Variants in ITGA11 observed in about 807,000 individuals in gnomAD.
ITGA11 encodes integrin alpha-11.
In ITGA11, 97 loss-of-function variants were observed where a neutral mutation model predicts 141.9. The ratio of observed to expected loss-of-function variants is 0.68; its 90% confidence interval spans 0.58 to 0.81. ITGA11 has a LOEUF of 0.81. Ranked by LOEUF, ITGA11 falls within the 30% of genes least tolerant of loss-of-function variation. The probability of loss-of-function intolerance (pLI) is 0.00; values close to 1 mark genes in which losing one functional copy is unlikely to be tolerated. For missense variants in ITGA11, 1,387 were observed against 1,559.2 expected (o/e 0.89, Z 1.86); for synonymous variants, 658 against 624.6 (o/e 1.05, Z -0.80).
At chr15:68,431,674 G>A (rs1897273637) in intron 1 of ITGA11, among the ~76,000 whole-genome samples, 1 of 152,252 alleles carries the variant, frequency 6.6e-6, no homozygotes, top group Non-Finnish European at 1.5e-5. Flanking sequence ...ACACCCGAGT[G>A]CCCCTGGCAG....
At chr15:68,407,588 T>C (rs981839742) in intron 1 of ITGA11, among the ~76,000 whole-genome samples, 7 of 152,186 alleles carry the variant, frequency 4.6e-5, no homozygotes, top group African/African-American at 1.7e-4. Context: ...TGCAGAGATG[T>C]TGGGAGCCTG....
rs545379002 is a variant in ITGA11, at chr15:68,310,913, C to T, written c.3174+81G>A. The stretch of plus-strand genomic sequence containing the variant: ...AGCTCTTATTGGCAAGCTATTGGGT[C>T]GGGAGGGAAATGGCCCGCAGAGCAC... On this transcript the variant is annotated intron_variant, in intron 26 of 29. Coordinates refer to ENST00000315757, the MANE Select transcript of ITGA11 (RefSeq NM_001004439.2). The T allele has an allele frequency of 2.4e-3, 2,560 of 1,051,208 alleles. 9 individuals carry two copies. The highest frequency in any genetic ancestry group is 2.6e-3 in the Non-Finnish European group (1,780 of 697,460). The allele number at this position is 1,051,208 out of a possible 1,614,324, so 65.1% of individuals were successfully genotyped here. A position where few individuals can be genotyped will look rare whatever the true frequency, so the allele number is the denominator to read the frequency against.
At chr15:68,358,258 C>T (rs1468820051) in intron 6 of ITGA11, among the ~76,000 whole-genome samples, 200 bp downstream of exon 6, 4 of 152,160 alleles carry the variant, frequency 2.6e-5, no homozygotes, top group Non-Finnish European at 5.9e-5. Context: ...TGAGGCTTCC[C>T]CCAAAATGTC....
At chr15:68,383,428 A>T (rs1895910356) in intron 2 of ITGA11, among the ~76,000 whole-genome samples, 1 of 152,250 alleles carries the variant, frequency 6.6e-6, no homozygotes, top group Non-Finnish European at 1.5e-5. Context: ...AAAGGCATTT[A>T]TGGCACCTTC....
Position 68,341,955 on chromosome 15 carries a change from G to T in ITGA11, c.1132-2311C>A, listed in dbSNP as rs888777887. On this transcript the variant is annotated intron_variant, in intron 10 of 29. Transcript: ENST00000315757. The stretch of plus-strand genomic sequence containing the variant: ...ACCTCATCCCATTTTAACCCTGACA[G>T]CAGCTGCAGTCTTGGGCCTGCAGTG... Among the ~76,000 whole-genome samples the T allele has an allele frequency of 2.6e-5, 4 of 152,210 alleles. No homozygotes were observed. The East Asian group carries it at 5.8e-4, about 22-fold the overall frequency.
In ITGA11 at chr15:68,297,869, A is replaced by T. The variant is rs1892943191; in HGVS notation, c.*5190T>A. The T allele has an allele frequency of 6.6e-6, 1 of 152,146 alleles. No homozygotes were observed. The highest frequency in any genetic ancestry group is 2.1e-4 in the South Asian group (1 of 4,818). 9.4% of individuals were successfully genotyped at this position (152,146 alleles called of 1,614,324 possible). ...ATTTAGTGCCACCCTCTCATTTTATAGTTCAGGACACAAGCCCAGAAAGGC... is the reference window on the plus strand; with the variant it reads ...ATTTAGTGCCACCCTCTCATTTTATTGTTCAGGACACAAGCCCAGAAAGGC... On this transcript the variant is annotated 3_prime_UTR_variant, in exon 30 of 30. Transcript: ENST00000315757.
In ITGA11 at chr15:68,297,639, A is replaced by C. The variant is rs952044079; in HGVS notation, c.*5420T>G. The C allele has an allele frequency of 3.9e-5, 6 of 151,942 alleles. No homozygotes were observed. Among genetic ancestry groups the C allele is most frequent in the African/African-American group, 1.5e-4 (6 of 41,370 alleles). The allele number at this position is 151,942 out of a possible 1,614,324, so 9.4% of individuals were successfully genotyped here. A position where few individuals can be genotyped will look rare whatever the true frequency, so the allele number is the denominator to read the frequency against. ...CTGTAATGGTTTTTTTTGTTTTTAA[A>C]GAAATAAATTTTCAGTTACTTCTTT... is the stretch of plus-strand genomic sequence containing the variant. On this transcript the variant is annotated 3_prime_UTR_variant, in exon 30 of 30. Transcript: ENST00000315757.
At chr15:68,320,554 G>C (rs1329186587) in intron 19 of ITGA11, among the ~76,000 whole-genome samples, 162 bp from the exon 20 acceptor site, 4 of 152,162 alleles carry the variant, frequency 2.6e-5, no homozygotes, top group Admixed American at 6.5e-5. Context: ...GGCAGGGCTG[G>C]AAAGAGCTCA....
At chr15:68,428,301 T>G (rs571613321) in intron 1 of ITGA11, among the ~76,000 whole-genome samples, 171 of 152,100 alleles carry the variant, frequency 1.1e-3, no homozygotes, top group Non-Finnish European at 1.7e-3. Flanking sequence ...TCCCTGCTGT[T>G]AGAAGAAGGA....
chr15:68,315,700 T>C lies in ITGA11; in HGVS notation c.2743A>G (p.Ser915Gly). The C allele has an allele frequency of 6.2e-7, 1 of 1,613,118 alleles. No individual in the cohort carries two copies. The highest frequency in any genetic ancestry group is 8.5e-7 in the Non-Finnish European group (1 of 1,179,512). ...KVAFRLDFEF[S>G]KSIFLHHLEI... ...AGGTGGTGTAGGAAGATGGATTTGC[T>C]GAACTCAAAATCAAGACGGAAAGCC... Residue 915 changes from serine (S) to glycine (G), a missense_variant, in exon 22 of 30, where the codon AGC becomes GGC. By Grantham distance (56) the Ser-to-Gly change is moderately conservative. Transcript: ENST00000315757.
intron 2 of ITGA11, among the ~76,000 whole-genome samples, chr15:68,396,953 T>TAATA (rs1896268364): frequency 1.6e-4 from 1 of 6,076 alleles, no homozygotes; most frequent in Non-Finnish European, 2.5e-4. Flanking sequence ...TATATATTAT[T>TAATA]TATTATATAA....
chr15:68,350,726 G>T lies in ITGA11; in HGVS notation c.951C>A (p.Ile317=). 1 of 1,613,914 alleles carries T rather than the reference G, an allele frequency of 6.2e-7. No homozygotes were observed. Among genetic ancestry groups the T allele is most frequent in the African/African-American group, 1.3e-5 (1 of 75,028 alleles). The stretch of plus-strand genomic sequence containing the variant: ...CATCAGGGTCACTGGCGATGTATTT[G>T]ATTTCATTTAGAAAAGTTTCTGGAT... ...GINPETFLNE[I]KYIASDPDDK... The change falls in exon 9 of 30, where the codon ATC becomes ATA. Residue 317 remains isoleucine (I), a synonymous_variant. Transcript: ENST00000315757.
chr15:68,368,537 C>T (rs1895496025), intron 3 of ITGA11, among the ~76,000 whole-genome samples: 1 of 152,228 alleles, frequency 6.6e-6, no homozygotes. Flanking sequence ...CAGCATCTCC[C>T]TGTTCCAGAA....
chr15:68,377,395 C>T (rs577038324), intron 2 of ITGA11, among the ~76,000 whole-genome samples: 1 of 152,176 alleles, frequency 6.6e-6, no homozygotes, highest in African/African-American at 2.4e-5. Context: ...GCCTCAGCCT[C>T]CCGAGTAGCT....
rs868499784 is a variant in ITGA11, at chr15:68,326,525, A to G, written c.2211+129T>C. Reference sequence around the variant, plus strand: ...TGTGGAGTGGCCAAGGTCAGGGTACACTGTCCCTGGCTGGCTTCCTGAGGT... The same window carrying G: ...TGTGGAGTGGCCAAGGTCAGGGTACGCTGTCCCTGGCTGGCTTCCTGAGGT... On this transcript the variant is annotated intron_variant, in intron 17 of 29. Coordinates refer to ENST00000315757, the MANE Select transcript of ITGA11 (RefSeq NM_001004439.2). The surrounding 1 kb of genome is among the most constrained non-coding windows in gnomAD (Gnocchi z 6.8). 223 of 996,454 alleles carry G rather than the reference A, an allele frequency of 2.2e-4. No individual in the cohort carries two copies. The African/African-American group carries it at 3.1e-3, about 14-fold the overall frequency. 61.7% of individuals were successfully genotyped at this position (996,454 alleles called of 1,614,324 possible).
intron 1 of ITGA11, among the ~76,000 whole-genome samples, chr15:68,425,629 C>T (rs1897124894): frequency 6.6e-6 from 1 of 152,244 alleles, no homozygotes; most frequent in African/African-American, 2.4e-5. Flanking sequence ...GAACTCTGGC[C>T]TCACCTGGCC....
At chr15:68,395,071 C>G (rs1446483016) in intron 2 of ITGA11, among the ~76,000 whole-genome samples, 1 of 152,134 alleles carries the variant, frequency 6.6e-6, no homozygotes, top group African/African-American at 2.4e-5. Flanking sequence ...TCCAACAGAC[C>G]TGCAGCTGAG....
chr15:68,331,222 C>G, intron 14 of ITGA11, 111 bp from the exon 15 acceptor site: 1 of 994,606 alleles, frequency 1.0e-6, no homozygotes, highest in Non-Finnish European at 1.5e-6. Flanking sequence ...GTGAAACCAC[C>G]AAGAAGCTTC....
intron 1 of ITGA11, 138 bp from the exon 2 acceptor site, chr15:68,403,167 T>C: frequency 3.1e-6 from 2 of 645,330 alleles, no homozygotes; most frequent in Non-Finnish European, 5.6e-6. Flanking sequence ...TTCCCCATCT[T>C]GGGGAGTCCC....
Sources: allele counts gnomAD v4.1 joint callset (sites outside exome capture counted in the v4.1 genomes callset), GRCh38; gene constraint gnomAD v4.1.1; non-coding constraint Gnocchi (gnomAD v3.1); transcripts MANE v1.5; gene names NCBI Gene and HGNC (gene_info 2026-07-23, HGNC 2026-07-21).